The following CYP2C19 variants were observed in gnomAD, a reference collection of about 807,000 sequenced individuals.
CYP2C19 encodes the protein cytochrome P450 family 2 subfamily C member 19.
CYP2C19 carries 59 observed loss-of-function variants against 40.9 expected under a neutral mutation model. That is an observed-to-expected ratio of 1.44 (90% CI 1.17 to 1.79). CYP2C19 has a LOEUF of 1.79. Ranked by LOEUF, CYP2C19 falls within the 40% of genes most tolerant of loss-of-function variation. The pLI, the probability that CYP2C19 is intolerant of heterozygous loss-of-function variation, is 0.00. For missense variants in CYP2C19, 754 were observed against 596.9 expected (o/e 1.26, Z -2.74); for synonymous variants, 253 against 208.7 (o/e 1.21, Z -1.83).
chr10:94,794,703 T>C (rs1447663888), intron 5 of CYP2C19, among the ~76,000 whole-genome samples: 2 of 152,118 alleles, frequency 1.3e-5, no homozygotes, highest in East Asian at 3.8e-4. Context: ...GGCTCTCTGT[T>C]TGTCTCTTTT....
intron 8 of CYP2C19, among the ~76,000 whole-genome samples, chr10:94,850,485 T>G (rs1564686621): frequency 6.6e-6 from 1 of 152,124 alleles, no homozygotes; most frequent in Non-Finnish European, 1.5e-5. Flanking sequence ...AAACACAGAA[T>G]AGGGTCTTAA....
chr10:94,830,624 C>T (rs1190836912), intron 6 of CYP2C19, among the ~76,000 whole-genome samples: 2 of 152,224 alleles, frequency 1.3e-5, no homozygotes, highest in East Asian at 3.9e-4. Flanking sequence ...TTCTGCGTCA[C>T]TCATGCTGGG....
intron 5 of CYP2C19, among the ~76,000 whole-genome samples, chr10:94,806,540 T>A (rs1848838669): frequency 6.6e-6 from 1 of 151,476 alleles, no homozygotes; most frequent in Non-Finnish European, 1.5e-5. Flanking sequence ...AGGGTTCCAA[T>A]TTCTTCACAT....
At chr10:94,847,280 A>G (rs1849585858) in intron 7 of CYP2C19, among the ~76,000 whole-genome samples, 1 of 151,684 alleles carries the variant, frequency 6.6e-6, no homozygotes, top group Non-Finnish European at 1.5e-5. Flanking sequence ...TCCTGTGTCC[A>G]TGTGTTCTCA....
intron 5 of CYP2C19, among the ~76,000 whole-genome samples, chr10:94,816,095 T>C (rs998052407): frequency 2.0e-5 from 3 of 152,048 alleles, no homozygotes; most frequent in African/African-American, 7.2e-5. Context: ...CTTATATATT[T>C]TTTTTGCCAA....
intron 6 of CYP2C19, among the ~76,000 whole-genome samples, chr10:94,824,105 G>C (rs1272420584): frequency 6.6e-6 from 1 of 152,106 alleles, no homozygotes; most frequent in Non-Finnish European, 1.5e-5. Flanking sequence ...AAAGAGATGT[G>C]GTTAAGTTTA....
rs113262974 is a variant in CYP2C19, at chr10:94,794,039, C to A, written c.819+12042C>A. Reference sequence around the variant, plus strand: ...CGAGCTTCCTGGCTGCTTTGTTAACCTACTCAAGCCTCAGAAGTGGTGGAC... The same window carrying A: ...CGAGCTTCCTGGCTGCTTTGTTAACATACTCAAGCCTCAGAAGTGGTGGAC... On this transcript the variant is annotated intron_variant, in intron 5 of 8. Coordinates refer to ENST00000371321, the MANE Select transcript of CYP2C19 (RefSeq NM_000769.4). Among the ~76,000 whole-genome samples the A allele has an allele frequency of 3.1e-3, 475 of 152,214 alleles. 3 individuals are homozygous for A. Among genetic ancestry groups the A allele is most frequent in the African/African-American group, 0.011 (452 of 41,546 alleles).
rs150402677 is a variant in CYP2C19 at position 94,810,647 on chromosome 10, C to A, written c.820-9849C>A. On this transcript the variant is annotated intron_variant, in intron 5 of 8. Coordinates refer to ENST00000371321, the MANE Select transcript of CYP2C19 (RefSeq NM_000769.4). ...TATGTGTCTAGAAATTTATCCATTT[C>A]TTCTAGATTTTCTAGTTTATTTGCA... Among the ~76,000 whole-genome samples the A allele has an allele frequency of 4.7e-3, 712 of 152,256 alleles. 3 individuals are homozygous for A. The highest frequency in any genetic ancestry group is 0.017 in the African/African-American group (689 of 41,550).
At chr10:94,763,930 C>G (rs1848207547) in intron 1 of CYP2C19, among the ~76,000 whole-genome samples, 1 of 152,042 alleles carries the variant, frequency 6.6e-6, no homozygotes, top group African/African-American at 2.4e-5. Context: ...CTTCCTTCTG[C>G]TGGGTTCATG....
chr10:94,769,625 G>A (rs1327720971), intron 1 of CYP2C19, among the ~76,000 whole-genome samples: 1 of 152,202 alleles, frequency 6.6e-6, no homozygotes, highest in Non-Finnish European at 1.5e-5. Flanking sequence ...GAATTGGGGT[G>A]TCGCAGGGAC....
chr10:94,783,241 C>A (rs1848501235), intron 5 of CYP2C19, among the ~76,000 whole-genome samples: 2 of 151,990 alleles, frequency 1.3e-5, no homozygotes, highest in Admixed American at 6.6e-5. Context: ...CATTATTGCA[C>A]ACAGTTTATT....
chr10:94,768,868 G>C (rs1173332320), intron 1 of CYP2C19, among the ~76,000 whole-genome samples: 1 of 152,140 alleles, frequency 6.6e-6, no homozygotes, highest in Admixed American at 6.5e-5. Context: ...ACTAGGGCCT[G>C]CTTTAAGGTT....
intron 6 of CYP2C19, among the ~76,000 whole-genome samples, chr10:94,820,877 A>C (rs530457263): frequency 6.6e-6 from 1 of 152,288 alleles, no homozygotes; most frequent in Admixed American, 6.5e-5. Flanking sequence ...TGAGGCTAGG[A>C]GTTCAAGACC....
At chr10:94,792,054 G>A (rs149247378) in intron 5 of CYP2C19, among the ~76,000 whole-genome samples, 3,321 of 152,144 alleles carry the variant, frequency 0.022, 49 homozygotes, top group Non-Finnish European at 0.032. Flanking sequence ...CTCCTGTATT[G>A]GGTGCATATA....
At chr10:94,785,084 A>T (rs189441164) in intron 5 of CYP2C19, among the ~76,000 whole-genome samples, 133 of 152,276 alleles carry the variant, frequency 8.7e-4, no homozygotes, top group African/African-American at 2.9e-3. Flanking sequence ...TTACATATAC[A>T]TAATATGAAA....
intron 5 of CYP2C19, among the ~76,000 whole-genome samples, chr10:94,811,411 G>C (rs1421868558): frequency 6.6e-6 from 1 of 152,054 alleles, no homozygotes; most frequent in Non-Finnish European, 1.5e-5. Context: ...TTGGTCCAGA[G>C]CTTAGTTCAA....
chr10:94,772,819 G>A (rs1848353273), intron 1 of CYP2C19, among the ~76,000 whole-genome samples: 1 of 152,168 alleles, frequency 6.6e-6, no homozygotes, highest in African/African-American at 2.4e-5. Context: ...CTGTCGCCCA[G>A]GCCGGACTGC....
At chr10:94,847,175 C>A (rs1484518730) in intron 7 of CYP2C19, among the ~76,000 whole-genome samples, 2 of 152,046 alleles carry the variant, frequency 1.3e-5, no homozygotes, top group Non-Finnish European at 2.9e-5. Context: ...GTGCTGCACC[C>A]ATTAACTTGT....
intron 5 of CYP2C19, among the ~76,000 whole-genome samples, chr10:94,789,696 G>A (rs190950580): frequency 1.3e-4 from 20 of 152,126 alleles, no homozygotes; most frequent in Admixed American, 1.0e-3. Context: ...CTGTTCCATT[G>A]ATCTATATAT....
Sources: allele counts gnomAD v4.1 joint callset (sites outside exome capture counted in the v4.1 genomes callset), GRCh38; gene constraint gnomAD v4.1.1; transcripts MANE v1.5; gene names NCBI Gene and HGNC (gene_info 2026-07-23, HGNC 2026-07-21).